SLC25A30: variants seen among roughly 807,000 people sequenced by gnomAD.
SLC25A30 encodes solute carrier family 25 member 30.
A neutral mutation model predicts 42.7 loss-of-function variants in SLC25A30; 29 were observed. The ratio of observed to expected loss-of-function variants is 0.68; its 90% CI spans 0.51 to 0.93. The LOEUF (loss-of-function observed/expected upper bound fraction) is 0.93, where lower values mean the gene tolerates loss of function less well. Ranked by LOEUF, SLC25A30 falls within the 40% of genes least tolerant of loss-of-function variation. SLC25A30 has a pLI of 0.00. For synonymous variants in SLC25A30, 124 were observed against 131.0 expected (o/e 0.95, Z 0.37); for missense variants, 300 against 359.7 (o/e 0.83, Z 1.34).
In SLC25A30 at chr13:45,397,277, A is replaced by C. The variant is rs2137620588; in HGVS notation, c.815T>G (p.Leu272Arg). Residue 272 changes from leucine to arginine, a missense_variant, in exon 9 of 10, where the codon CTT becomes CGT. Leu to Arg is a moderately radical substitution (Grantham distance 102, BLOSUM62 -2). Coordinates refer to ENST00000519676, the MANE Select transcript of SLC25A30 (RefSeq NM_001010875.4). ...YKGFWPNWLR[L>R]GPWNIIFFVT... ...GGATACAATGATATTCCAAGGACCA[A>C]GTCTCAACCAATTTGGCCAAAAGCC... 1 of 1,611,246 alleles carries C rather than the reference A, an allele frequency of 6.2e-7. No homozygotes were observed. The highest frequency in any genetic ancestry group is 8.5e-7 in the Non-Finnish European group (1 of 1,177,498).
chr13:45,418,940 CAAAAAAAAAAAAAAAAAAAAAAA>C (rs1168457204), upstream of SLC25A30, among the ~76,000 whole-genome samples: 86 of 14,904 alleles, frequency 5.8e-3, 1 homozygote, highest in African/African-American at 0.012. Context: ...GACTTCGTCT[CAAAAAAAAAAAAAAAAAAAAAAA>C]AAAAAAAAAA....
intron 1 of SLC25A30, among the ~76,000 whole-genome samples, chr13:45,415,769 AGAAAGCTGTT>A (rs1883465629): frequency 6.7e-6 from 1 of 149,308 alleles, no homozygotes; most frequent in Non-Finnish European, 1.5e-5. Context: ...AAAAAAAGAA[AGAAAGCTGTT>A]GGTGCCTGGC....
chr13:45,423,815 A>ATATATATTTATAT, the SLC25A30 span, among the ~76,000 whole-genome samples: 99 of 55,728 alleles, frequency 1.8e-3, 2 homozygotes, highest in African/African-American at 6.9e-3. Context: ...TATATATAAA[A>ATATATATTTATAT]ATATAAATAT....
the SLC25A30 span, among the ~76,000 whole-genome samples, chr13:45,425,155 G>T: frequency 2.9e-4 from 13 of 44,748 alleles, 2 homozygotes; most frequent in South Asian, 5.3e-4. Context: ...TAAATATATT[G>T]ATAAATATAT....
intron 5 of SLC25A30, among the ~76,000 whole-genome samples, chr13:45,404,116 C>G (rs891252535): frequency 5.3e-5 from 8 of 152,178 alleles, no homozygotes; most frequent in Non-Finnish European, 1.0e-4. Flanking sequence ...TCACCGAAAT[C>G]TTTGTCTCCA....
chr13:45,398,435 CT>C (rs1326176094), intron 8 of SLC25A30: 1 of 152,030 alleles, frequency 6.6e-6, no homozygotes, highest in African/African-American at 2.4e-5. Context: ...CATGTACCCC[CT>C]GAATCTAAAA....
Position 45,394,203 on chromosome 13 carries a change from T to A in SLC25A30, c.*1771A>T. On this transcript the variant is annotated 3_prime_UTR_variant, in exon 10 of 10. Transcript: ENST00000519676. ...TTGCCCAGGGAGAGCTGGACTTTCATCTGAGTCTCAGCAATTAACAGGTAA... is the reference window on the plus strand; with the variant it reads ...TTGCCCAGGGAGAGCTGGACTTTCAACTGAGTCTCAGCAATTAACAGGTAA... The A allele has an allele frequency of 5.1e-6, 5 of 985,368 alleles. No homozygotes were observed. The highest frequency in any genetic ancestry group is 6.0e-6 in the Non-Finnish European group (5 of 829,936). The allele number at this position is 985,368 out of a possible 1,614,324, so 61.0% of individuals were successfully genotyped here.
At chr13:45,410,776 C>T (rs547200836) in intron 2 of SLC25A30, among the ~76,000 whole-genome samples, 1 of 152,280 alleles carries the variant, frequency 6.6e-6, no homozygotes, top group East Asian at 1.9e-4. Context: ...CAGACGACTG[C>T]ACTCCAGCCT....
At chr13:45,409,435 A>G (rs1479881280) in intron 2 of SLC25A30, among the ~76,000 whole-genome samples, 1 of 152,212 alleles carries the variant, frequency 6.6e-6, no homozygotes, top group Non-Finnish European at 1.5e-5. Context: ...GAAGGTTAAA[A>G]TGGGGTTGAA....
chr13:45,423,870 A>AAATATATATC, the SLC25A30 span, among the ~76,000 whole-genome samples: 1 of 66,014 alleles, frequency 1.5e-5, no homozygotes, highest in African/African-American at 5.5e-5. Flanking sequence ...AAATATATAT[A>AAATATATATC]AAATATATAA....
chr13:45,415,903 A>G (rs12868627), intron 1 of SLC25A30, among the ~76,000 whole-genome samples: 77,901 of 144,354 alleles, frequency 0.54, 21,618 homozygotes, highest in African/African-American at 0.6. Flanking sequence ...AGGTTCAAGC[A>G]ATTCTCCTGC....
chr13:45,414,343 C>T (rs1287680907), intron 1 of SLC25A30, among the ~76,000 whole-genome samples: 2 of 152,058 alleles, frequency 1.3e-5, no homozygotes, highest in African/African-American at 2.4e-5. Flanking sequence ...AGGGGGCGGG[C>T]GCAGTGGCTC....
At chr13:45,426,380 C>G in the SLC25A30 span, among the ~76,000 whole-genome samples, 13 of 152,246 alleles carry the variant, frequency 8.5e-5, no homozygotes, top group Admixed American at 8.5e-4. Context: ...CCACCGCCCC[C>G]GGCCCAGTTT....
chr13:45,424,824 A>AT, the SLC25A30 span, among the ~76,000 whole-genome samples: 165 of 57,194 alleles, frequency 2.9e-3, 5 homozygotes, highest in African/African-American at 0.011. Context: ...ATAAATATAT[A>AT]AAAATATATA....
Position 45,401,133 on chromosome 13 carries a change from C to T in SLC25A30, c.564G>A (p.Lys188=). The change falls in exon 7 of 10, where the codon AAG becomes AAA. Residue 188 remains lysine, a synonymous_variant. Transcript: ENST00000519676. ...VELPVYDITK[K]HLILSGLMGD... ...CCATCAGGCCTGAGAGAATAAGATG[C>T]TTCTTGGTGATGTCATAGACCGGCA... The T allele has an allele frequency of 3.1e-6, 5 of 1,613,986 alleles. No homozygotes were observed. The highest frequency in any genetic ancestry group is 4.2e-6 in the Non-Finnish European group (5 of 1,179,900).
intron 3 of SLC25A30, among the ~76,000 whole-genome samples, chr13:45,407,473 T>A (rs1882627364): frequency 6.6e-6 from 1 of 152,000 alleles, no homozygotes; most frequent in Admixed American, 6.6e-5. Context: ...AATGAGAGGA[T>A]CACTTGAGCC....
intron 1 of SLC25A30, among the ~76,000 whole-genome samples, chr13:45,412,894 T>C (rs1883154429): frequency 1.3e-5 from 2 of 152,216 alleles, no homozygotes; most frequent in African/African-American, 4.8e-5. Flanking sequence ...ATATATACTA[T>C]CAACTATAGC....
At chr13:45,423,601 AT>A in the SLC25A30 span, among the ~76,000 whole-genome samples, 120 of 107,918 alleles carry the variant, frequency 1.1e-3, 8 homozygotes, top group African/African-American at 4.4e-3. Context: ...ATATATATAT[AT>A]ATAAATATAT....
the SLC25A30 span, among the ~76,000 whole-genome samples, chr13:45,434,008 C>G: frequency 6.6e-6 from 1 of 152,076 alleles, no homozygotes. Context: ...CCTGTAATCC[C>G]AGCACTTTGG....
Sources: gnomAD v4.1 joint callset for allele counts (sites outside exome capture counted in the v4.1 genomes callset) on GRCh38, gnomAD v4.1.1 for gene constraint, MANE v1.5 for transcripts, NCBI Gene and HGNC (gene_info 2026-07-23, HGNC 2026-07-21) for gene names.